Variants in VWCE observed in about 807,000 individuals in gnomAD.
VWCE encodes von Willebrand factor C and EGF domain-containing protein.
VWCE carries 68 observed loss-of-function variants against 102.9 expected under a neutral mutation model. That is an observed-to-expected ratio of 0.66 (90% confidence interval 0.54 to 0.81). The LOEUF is 0.81. Ranked by LOEUF, VWCE falls within the 30% of genes least tolerant of loss-of-function variation. VWCE has a pLI of 0.00. For missense variants in VWCE, 1,137 were observed against 1,263.6 expected (o/e 0.90, Z 1.52); for synonymous variants, 497 against 515.4 (o/e 0.96, Z 0.48).
At chr11:61,283,468 A>G (rs1177556442) in intron 5 of VWCE, among the ~76,000 whole-genome samples, 2 of 152,084 alleles carry the variant, frequency 1.3e-5, no homozygotes, top group Non-Finnish European at 1.5e-5. Flanking sequence ...CTGGAGTACA[A>G]TGGCGCGATC....
Position 61,264,671 on chromosome 11 carries a change from C to A in VWCE, c.2140-94G>T, listed in dbSNP as rs888465016. The A allele has an allele frequency of 1.7e-5, 23 of 1,335,308 alleles. No homozygotes were observed. The African/African-American group carries it at 3.1e-4, about 18-fold the overall frequency. The allele number at this position is 1,335,308 out of a possible 1,614,324, so 82.7% of individuals were successfully genotyped here. On this transcript the variant is annotated intron_variant, in intron 18 of 19. Coordinates refer to ENST00000335613, the MANE Select transcript of VWCE (RefSeq NM_152718.2). ...GGGCCTCTTGCACCAGCAGCAGGAC[C>A]CACGGAAAGATCCCAGGACAGAGGC...
intron 7 of VWCE, 140 bp from the exon 8 acceptor site, chr11:61,281,375 G>T: frequency 1.9e-6 from 2 of 1,036,926 alleles, no homozygotes; most frequent in Non-Finnish European, 2.8e-6. Flanking sequence ...ATGTTTATGG[G>T]GACACTGTCG....
chr11:61,267,920 C>CACCA (rs1233261912), intron 15 of VWCE, among the ~76,000 whole-genome samples: 2 of 151,816 alleles, frequency 1.3e-5, no homozygotes, highest in Non-Finnish European at 2.9e-5. Context: ...TCACTCAAAC[C>CACCA]ACCAACCCCG....
intron 12 of VWCE, chr11:61,273,580 A>C (rs1590629949): frequency 2.1e-6 from 1 of 465,628 alleles, no homozygotes; most frequent in South Asian, 3.4e-5. Context: ...ACCATCTCTC[A>C]CCCTCCCGCT....
intron 10 of VWCE, 124 bp downstream of exon 10, chr11:61,278,270 A>C (rs968626720): frequency 9.3e-7 from 1 of 1,070,120 alleles, no homozygotes; most frequent in Non-Finnish European, 1.4e-6. Context: ...CAAATTCCAC[A>C]ACCTGAGAAT....
intron 15 of VWCE, 72 bp from the exon 16 acceptor site, chr11:61,267,616 T>C: frequency 6.9e-7 from 1 of 1,457,274 alleles, no homozygotes; most frequent in Non-Finnish European, 9.6e-7. Flanking sequence ...AGGGCCAAGG[T>C]CACAGGCTTA....
chr11:61,292,933 C>G (rs985499682), intron 1 of VWCE, among the ~76,000 whole-genome samples: 4 of 151,890 alleles, frequency 2.6e-5, no homozygotes, highest in Non-Finnish European at 2.9e-5. Flanking sequence ...CATGGCAAAA[C>G]CCTGTCTCCA....
intron 4 of VWCE, 81 bp from the exon 5 acceptor site, chr11:61,286,511 C>T: frequency 7.2e-7 from 1 of 1,380,952 alleles, no homozygotes; most frequent in Non-Finnish European, 1.0e-6. Flanking sequence ...GGGAAGAAAG[C>T]ACCCTTGCAG....
At position 61,294,742 on chromosome 11, in the gene VWCE, C is replaced by A. The variant is rs1855621317; in HGVS notation, c.110+186G>T. On this transcript the variant is annotated intron_variant, in intron 1 of 19. Transcript: ENST00000335613. This position sits in a 1 kb window ranked among gnomAD's most constrained non-coding sequence, Gnocchi z 6.3. ...CCCAGCCAGGGGGGCACGATGAGCA[C>A]CCGCCTAGAGGCACAAGTTGCTGAC... Among the ~76,000 whole-genome samples the A allele has an allele frequency of 1.3e-5, 2 of 152,168 alleles. No individual in the cohort carries two copies. The highest frequency in any genetic ancestry group is 4.1e-4 in the South Asian group (2 of 4,832).
intron 4 of VWCE, among the ~76,000 whole-genome samples, chr11:61,287,716 C>T (rs570876951): frequency 6.6e-6 from 1 of 152,192 alleles, no homozygotes; most frequent in East Asian, 1.9e-4. Flanking sequence ...CCAGGAGTAT[C>T]GGGAGAAGGA....
At chr11:61,285,399 C>T (rs1405253315) in intron 5 of VWCE, among the ~76,000 whole-genome samples, 1 of 152,120 alleles carries the variant, frequency 6.6e-6, no homozygotes, top group Non-Finnish European at 1.5e-5. Flanking sequence ...ATTGTAAGAT[C>T]TCTCATCCTG....
Position 61,264,518 on chromosome 11 carries a change from C to T in VWCE, c.2199G>A (p.Leu733=), listed in dbSNP as rs914235460. ...PCQRACADPA[L]LPGDCCSSCP... ...AGGAAGAGCAGCAGTCCCCAGGAAG[C>T]AGGGCAGGGTCGGCACAGGCCCGCT... Residue 733 remains leucine, a synonymous_variant, in exon 19 of 20, where the codon CTG becomes CTA. Coordinates refer to ENST00000335613, the MANE Select transcript of VWCE (RefSeq NM_152718.2). The T allele has an allele frequency of 1.9e-6, 3 of 1,613,500 alleles. No homozygotes were observed. In the African/African-American group the frequency reaches 4.0e-5, roughly 22 times the overall value.
At chr11:61,282,966 G>C (rs1565227947) in intron 5 of VWCE, 61 bp from the exon 6 acceptor site, 1 of 1,421,550 alleles carries the variant, frequency 7.0e-7, no homozygotes, top group Non-Finnish European at 9.9e-7. Context: ...GAAATATATG[G>C]TCCCCTCTTC....
chr11:61,259,411 C>T, intron 19 of VWCE, 99 bp from the exon 20 acceptor site: 4 of 1,439,296 alleles, frequency 2.8e-6, no homozygotes, highest in Non-Finnish European at 3.7e-6. Context: ...GCTCTGTCCT[C>T]AGAGGGGCCT....
intron 5 of VWCE, 26 bp downstream of exon 5, chr11:61,286,288 G>A (rs761322360): frequency 1.9e-6 from 3 of 1,597,798 alleles, no homozygotes; most frequent in Non-Finnish European, 1.7e-6. Flanking sequence ...CCCTCCCAGA[G>A]CAGCCATTCC....
At position 61,291,100 on chromosome 11, in the gene VWCE, T is replaced by C. The variant is rs565269805; in HGVS notation, c.295+164A>G. On this transcript the variant is annotated intron_variant, in intron 3 of 19. Transcript: ENST00000335613. ...GTGTGACCCCGGGCAAGACAATAACTTCTGTGTCTCAGTTTCTTCATCTAT... is the reference window on the plus strand; with the variant it reads ...GTGTGACCCCGGGCAAGACAATAACCTCTGTGTCTCAGTTTCTTCATCTAT... Among the ~76,000 whole-genome samples, 5 of 152,290 alleles carry C rather than the reference T, an allele frequency of 3.3e-5. No individual in the cohort carries two copies. In the East Asian group the frequency reaches 5.8e-4, roughly 18 times the overall value.
intron 9 of VWCE, among the ~76,000 whole-genome samples, chr11:61,279,595 C>A (rs202160625): frequency 1.3e-4 from 20 of 151,828 alleles, no homozygotes; most frequent in South Asian, 4.2e-4. Context: ...CAAAAAAAAA[C>A]CAGTGCATTT....
At chr11:61,261,759 C>T (rs1246958472) in intron 19 of VWCE, among the ~76,000 whole-genome samples, 3 of 149,966 alleles carry the variant, frequency 2.0e-5, no homozygotes, top group Non-Finnish European at 4.4e-5. Context: ...GAGCTGTGAT[C>T]GCACCACTGC....
chr11:61,262,681 TCTG>T (rs1257532593), intron 19 of VWCE, among the ~76,000 whole-genome samples: 1 of 152,130 alleles, frequency 6.6e-6, no homozygotes, highest in Non-Finnish European at 1.5e-5. Flanking sequence ...CATCCACAGA[TCTG>T]AAGAGCTGCC....
Sources: allele counts gnomAD v4.1 joint callset (sites outside exome capture counted in the v4.1 genomes callset), GRCh38; gene constraint gnomAD v4.1.1; non-coding constraint Gnocchi (gnomAD v3.1); transcripts MANE v1.5; gene names NCBI Gene and HGNC (gene_info 2026-07-23, HGNC 2026-07-21).